The following MAP3K1 variants were observed in gnomAD, a reference collection of about 807,000 sequenced individuals.
The protein encoded by MAP3K1 is MAP/ERK kinase kinase 1.
A neutral mutation model predicts 144.2 loss-of-function variants in MAP3K1; 36 were observed. The observed-to-expected ratio is 0.25, with a 90% confidence interval of 0.19 to 0.33. The LOEUF (loss-of-function observed/expected upper bound fraction) is 0.33, where lower values mean the gene tolerates loss of function less well. Ranked by LOEUF, MAP3K1 falls within the 10% of genes least tolerant of loss-of-function variation. MAP3K1 has a pLI of 1.00. For synonymous variants in MAP3K1, 718 were observed against 688.7 expected, an observed-to-expected ratio of 1.04 and a Z score of -0.67; for missense variants, 1,650 against 1,881.9, an observed-to-expected ratio of 0.88 and a Z score of 2.28.
chr5:56,894,085 C>T lies in MAP3K1; in HGVS notation c.*405C>T, dbSNP rs956276331. ...TAGTGATCACAAGCAGGGGGTTCTG[C>T]AATTCCGTTCAAATTTTTTGTCACT... On this transcript the variant is annotated 3_prime_UTR_variant, in exon 20 of 20. Coordinates refer to ENST00000399503, the MANE Select transcript of MAP3K1 (RefSeq NM_005921.2). 3.1e-6 allele frequency: 1 copy of T among 320,806 alleles called. No homozygotes were observed. The highest frequency in any genetic ancestry group is 5.9e-6 in the Non-Finnish European group (1 of 170,394). 19.9% of individuals were successfully genotyped at this position (320,806 alleles called of 1,614,324 possible). A position where few individuals can be genotyped will look rare whatever the true frequency, so the allele number is the denominator to read the frequency against.
chr5:56,890,021 T>G (rs1561205629), intron 19 of MAP3K1, among the ~76,000 whole-genome samples: 2 of 152,164 alleles, frequency 1.3e-5, no homozygotes, highest in Non-Finnish European at 2.9e-5. Context: ...ATTTTGTGCT[T>G]CTCCTGCTTG....
chr5:56,873,790 TTACAG>T (rs1579769599), intron 9 of MAP3K1, among the ~76,000 whole-genome samples: 1 of 152,218 alleles, frequency 6.6e-6, no homozygotes, highest in East Asian at 1.9e-4. Context: ...TTTGTGACCA[TTACAG>T]TCCTGCAGCT....
intron 1 of MAP3K1, among the ~76,000 whole-genome samples, chr5:56,848,082 G>A (rs931034734): frequency 7.2e-6 from 1 of 139,768 alleles, no homozygotes; most frequent in African/African-American, 2.6e-5. Flanking sequence ...TTTATAGACT[G>A]AGTCAAAGGT....
intron 1 of MAP3K1, among the ~76,000 whole-genome samples, chr5:56,817,867 A>T (rs1746026971): frequency 6.6e-6 from 1 of 152,218 alleles, no homozygotes. Flanking sequence ...AAATTGTTTA[A>T]TGTTGTCTCT....
At chr5:56,883,481 T>G (rs767335825) in intron 14 of MAP3K1, 46 bp from the exon 15 acceptor site, 24 of 1,589,090 alleles carry the variant, frequency 1.5e-5, no homozygotes, top group Non-Finnish European at 2.1e-5. Flanking sequence ...TTTCACAAAA[T>G]CTTACTCCTT....
intron 19 of MAP3K1, 96 bp downstream of exon 19, chr5:56,888,453 C>G: frequency 9.6e-7 from 1 of 1,042,842 alleles, no homozygotes; most frequent in Non-Finnish European, 1.5e-6. Context: ...AACAATCTAG[C>G]ATGAAGGTAA....
At chr5:56,845,229 A>G (rs2111827985) in intron 1 of MAP3K1, among the ~76,000 whole-genome samples, 1 of 152,328 alleles carries the variant, frequency 6.6e-6, no homozygotes, top group Admixed American at 6.5e-5. Flanking sequence ...CCACTTTCGT[A>G]AGTATGTACT....
chr5:56,883,565 A>G lies in MAP3K1; in HGVS notation c.3705A>G (p.Gln1235=), dbSNP rs755002302. 8.7e-6 allele frequency: 14 copies of G among 1,613,966 alleles called. No individual in the cohort carries two copies. The highest frequency in any genetic ancestry group is 2.7e-5 in the African/African-American group (2 of 74,924). The change falls in exon 15 of 20, where the codon CAA becomes CAG. Residue 1235 remains glutamine (Q), a synonymous_variant. Coordinates refer to ENST00000399503, the MANE Select transcript of MAP3K1 (RefSeq NM_005921.2). ...TACCAGGACATACCAAAGCAAAACA[A>G]CCGTATAGAGAAGACACTGAATGGC... ...ETLPGHTKAK[Q]PYREDTEWLK...
At position 56,865,468 on chromosome 5, in the gene MAP3K1, T is replaced by A; in HGVS notation, c.1152+12T>A. The A allele has an allele frequency of 7.3e-7, 1 of 1,361,912 alleles. No homozygotes were observed. The highest frequency in any genetic ancestry group is 1.1e-6 in the Non-Finnish European group (1 of 950,238). The allele number at this position is 1,361,912 out of a possible 1,614,324, so 84.4% of individuals were successfully genotyped here. On this transcript the variant is annotated intron_variant, in intron 5 of 19. Coordinates refer to ENST00000399503, the MANE Select transcript of MAP3K1 (RefSeq NM_005921.2). ...TAAAGAATTTTGAGGTAGTTTTTAATAAATGCTTAGAGTAAAATTGTTAGC... is the reference window on the plus strand; with the variant it reads ...TAAAGAATTTTGAGGTAGTTTTTAAAAAATGCTTAGAGTAAAATTGTTAGC...
intron 13 of MAP3K1, 68 bp from the exon 14 acceptor site, chr5:56,881,502 T>A (rs1748205082): frequency 7.8e-7 from 1 of 1,284,936 alleles, no homozygotes; most frequent in African/African-American, 1.4e-5. Flanking sequence ...ATTACTACCA[T>A]TTTTTAAGTT....
rs560739155 is a variant in MAP3K1, at chr5:56,894,441, T to C, written c.*761T>C. 4.8e-4 allele frequency: 111 copies of C among 232,594 alleles called. No individual in the cohort carries two copies. Among genetic ancestry groups the C allele is most frequent in the African/African-American group, 2.2e-3 (102 of 45,416 alleles). 14.4% of individuals were successfully genotyped at this position (232,594 alleles called of 1,614,324 possible). ...TGCTATTGTCAGAGTTTTTAAAATA[T>C]AGACTTAATTTTGTTTTTTTAAATT... is the stretch of plus-strand genomic sequence containing the variant. On this transcript the variant is annotated 3_prime_UTR_variant, in exon 20 of 20. Transcript: ENST00000399503.
At chr5:56,829,748 T>C (rs1229267583) in intron 1 of MAP3K1, among the ~76,000 whole-genome samples, 1 of 152,190 alleles carries the variant, frequency 6.6e-6, no homozygotes, top group Non-Finnish European at 1.5e-5. Context: ...TCTTGAATCT[T>C]GGTCACCTCA....
At chr5:56,845,978 A>G (rs1321972448) in intron 1 of MAP3K1, among the ~76,000 whole-genome samples, 2 of 152,214 alleles carry the variant, frequency 1.3e-5, no homozygotes, top group Non-Finnish European at 2.9e-5. Context: ...GAGTCCTAGT[A>G]TTTAGAAGTA....
At chr5:56,875,396 G>T (rs1022647978) in intron 10 of MAP3K1, 86 bp downstream of exon 10, 6 of 1,440,712 alleles carry the variant, frequency 4.2e-6, no homozygotes, top group Non-Finnish European at 4.8e-6. Flanking sequence ...ATACAATAAA[G>T]CTACTTTACC....
At chr5:56,830,659 G>C (rs1208211152) in intron 1 of MAP3K1, among the ~76,000 whole-genome samples, 1 of 152,146 alleles carries the variant, frequency 6.6e-6, no homozygotes, top group African/African-American at 2.4e-5. Flanking sequence ...GGGTTTGTGT[G>C]TGTAATCAGA....
Position 56,881,829 on chromosome 5 carries a change from T to G in MAP3K1, c.2629T>G (p.Leu877Val). ...CATCCAGTTGGGCGTAGAAGACACT[T>G]TGGATGGTCAACAGGACAGCTTCTT... ...EAIQLGVEDT[L>V]DGQQDSFLQA... Residue 877 changes from leucine (L) to valine (V), a missense_variant, in exon 14 of 20, where the codon TTG (leucine) becomes GTG (valine). This residue lies in a region of MAP3K1 where 841 missense variants were observed against 886.5 expected (regional missense o/e 0.95). Transcript: ENST00000399503. 1 of 1,614,114 alleles carries G rather than the reference T, an allele frequency of 6.2e-7. No individual in the cohort carries two copies.
chr5:56,840,378 C>G (rs1171993243), intron 1 of MAP3K1, among the ~76,000 whole-genome samples: 1 of 152,126 alleles, frequency 6.6e-6, no homozygotes, highest in East Asian at 1.9e-4. Context: ...GAACTCCAGA[C>G]TTGAGGTGTT....
intron 1 of MAP3K1, among the ~76,000 whole-genome samples, chr5:56,831,119 T>C (rs1394394401): frequency 6.6e-6 from 1 of 152,144 alleles, no homozygotes. Context: ...GAAATTTTAT[T>C]TCTGCATTCC....
Position 56,893,600 on chromosome 5 carries a change from C to T in MAP3K1, c.4459C>T (p.Arg1487Cys), listed in dbSNP as rs1748615146. ...TCCTGGTTTACGAGATGTGGCTCTT[C>T]GTTGTTTAGAACTTCAACCTCAGGA... Reference protein sequence around the residue: ...LSPGLRDVALRCLELQPQDRP... With the variant: ...LSPGLRDVALCCLELQPQDRP... The change falls in exon 20 of 20, where the codon CGT (arginine) becomes TGT (cysteine). Residue 1487 changes from arginine to cysteine, a missense_variant. Physicochemically the swap from Arg to Cys is radical, Grantham distance 180. This residue lies in a region of MAP3K1 where 165 missense variants were observed against 322.9 expected (regional missense o/e 0.51). Coordinates refer to ENST00000399503, the MANE Select transcript of MAP3K1 (RefSeq NM_005921.2). The T allele has an allele frequency of 6.2e-7, 1 of 1,613,990 alleles. No homozygotes were observed. The highest frequency in any genetic ancestry group is 1.1e-5 in the South Asian group (1 of 91,078).
Sources: gnomAD v4.1 joint callset for allele counts (sites outside exome capture counted in the v4.1 genomes callset) on GRCh38, gnomAD v4.1.1 for gene constraint, gnomAD v4.1.1 regional missense constraint, MANE v1.5 for transcripts, NCBI Gene and HGNC (gene_info 2026-07-23, HGNC 2026-07-21) for gene names.